The following MDM2 variants were observed in gnomAD, a reference collection of about 807,000 sequenced individuals.
The protein encoded by MDM2 is MDM2 proto-oncogene, also known as E3 ubiquitin-protein ligase Mdm2.
In MDM2, 11 loss-of-function variants were observed where a neutral mutation model predicts 64.3. That is an observed-to-expected ratio of 0.17 (90% CI 0.11 to 0.28). MDM2 has a LOEUF of 0.28. Ranked by LOEUF, MDM2 falls within the 10% of genes least tolerant of loss-of-function variation. MDM2 has a pLI of 1.00. For missense variants in MDM2, 388 were observed against 577.1 expected, an observed-to-expected ratio of 0.67 and a Z score of 3.36; for synonymous variants, 194 against 192.9, an observed-to-expected ratio of 1.01 and a Z score of -0.05.
downstream of MDM2, chr12:68,848,555 A>C (rs1042930973): frequency 6.6e-6 from 1 of 152,200 alleles, no homozygotes; most frequent in Non-Finnish European, 1.5e-5. Context: ...GTAGTCTTAA[A>C]AGTTGATATG....
intron 7 of MDM2, among the ~76,000 whole-genome samples, chr12:68,825,099 C>G (rs952312313): frequency 6.6e-6 from 1 of 152,028 alleles, no homozygotes; most frequent in Non-Finnish European, 1.5e-5. Context: ...AATCCAGCTA[C>G]TCAGGAGGTT....
intron 10 of MDM2, among the ~76,000 whole-genome samples, chr12:68,837,005 G>A (rs1180169810): frequency 2.0e-5 from 3 of 149,590 alleles, no homozygotes; most frequent in Non-Finnish European, 3.0e-5. Context: ...CCAAGCTGGA[G>A]TGCAGTGGTG....
At position 68,835,998 on chromosome 12, in the gene MDM2, TC is replaced by T; in HGVS notation, c.840+18del. On this transcript the variant is annotated intron_variant, in intron 9 of 10. Coordinates refer to ENST00000258149, the MANE Select transcript of MDM2 (RefSeq NM_002392.6). ...GAAGATGATGAGGTAGTATTTTTTTTCCCCTCTAATTATATTGGAAAATTAT... is the reference window on the plus strand; with the variant it reads ...GAAGATGATGAGGTAGTATTTTTTTTCCCTCTAATTATATTGGAAAATTAT... 1.3e-6 allele frequency: 2 copies of T among 1,582,086 alleles called. No individual in the cohort carries two copies. The highest frequency in any genetic ancestry group is 1.7e-6 in the Non-Finnish European group (2 of 1,162,882).
chr12:68,812,490 T>C (rs1592568884), intron 2 of MDM2, among the ~76,000 whole-genome samples: 1 of 152,242 alleles, frequency 6.6e-6, no homozygotes, highest in South Asian at 2.1e-4. Flanking sequence ...AAGTGCATAG[T>C]ATATTACATT....
Position 68,824,217 on chromosome 12 carries a change from A to T in MDM2, c.359-146A>T, listed in dbSNP as rs72550902. ...TACATCTGCAACATTTAGTATGAGGATGCCACCTGGAAAATACATGTTTAA... is the reference window on the plus strand; with the variant it reads ...TACATCTGCAACATTTAGTATGAGGTTGCCACCTGGAAAATACATGTTTAA... On this transcript the variant is annotated intron_variant, in intron 5 of 10. Coordinates refer to ENST00000258149, the MANE Select transcript of MDM2 (RefSeq NM_002392.6). The T allele has an allele frequency of 2.2e-3, 1,319 of 592,946 alleles. 15 individuals carry two copies. In the African/African-American group the frequency reaches 0.023, roughly 10 times the overall value. 36.7% of individuals were successfully genotyped at this position (592,946 alleles called of 1,614,324 possible).
intron 10 of MDM2, among the ~76,000 whole-genome samples, chr12:68,838,404 G>A (rs1170866604): frequency 6.6e-6 from 1 of 152,190 alleles, no homozygotes; most frequent in East Asian, 1.9e-4. Context: ...GAAGCATTGA[G>A]CAGTTACAAA....
intron 8 of MDM2, among the ~76,000 whole-genome samples, chr12:68,835,141 G>T (rs1883203349): frequency 6.6e-6 from 1 of 152,136 alleles, no homozygotes; most frequent in African/African-American, 2.4e-5. Flanking sequence ...ATGAGTGACA[G>T]GTTTTAGCTC....
chr12:68,839,532 C>G lies in MDM2; in HGVS notation c.1177C>G (p.Gln393Glu), dbSNP rs763246240. Residue 393 changes from glutamine (Q) to glutamate (E), a missense_variant, in exon 11 of 11, where the codon CAA becomes GAA. Transcript: ENST00000258149. ...TGATGATAAAATTACACAAGCTTCA[C>G]AATCACAAGAAAGTGAAGACTATTC... ...ENDDKITQAS[Q>E]SQESEDYSQP... The G allele has an allele frequency of 6.2e-6, 10 of 1,613,766 alleles. No homozygotes were observed. The highest frequency in any genetic ancestry group is 1.3e-5 in the African/African-American group (1 of 74,922).
chr12:68,847,907 G>C (rs564620487), downstream of MDM2: 15 of 152,376 alleles, frequency 9.8e-5, no homozygotes, highest in East Asian at 2.9e-3. Context: ...ACTCACGCCT[G>C]TAATCTCAAC....
At chr12:68,813,970 A>G (rs1050395686) in intron 3 of MDM2, among the ~76,000 whole-genome samples, 10 of 152,274 alleles carry the variant, frequency 6.6e-5, no homozygotes, top group African/African-American at 2.4e-4. Flanking sequence ...ACGGTTACCA[A>G]AATAGTAAAC....
intron 3 of MDM2, among the ~76,000 whole-genome samples, chr12:68,813,875 A>G (rs984264847): frequency 2.0e-5 from 3 of 152,210 alleles, no homozygotes; most frequent in Admixed American, 6.5e-5. Flanking sequence ...TATGCTGTCA[A>G]CCCTTTGGTA....
rs149978469 is a variant in MDM2, at chr12:68,834,837, A to G, written c.685-992A>G. On this transcript the variant is annotated intron_variant, in intron 8 of 10. Transcript: ENST00000258149. ...TATCCCGACTTCTAGACTTTTTCCA[A>G]TTGTAGCCTTCTGCTTATATATGCT... Among the ~76,000 whole-genome samples, 341 of 152,300 alleles carry G rather than the reference A, an allele frequency of 2.2e-3. 2 individuals are homozygous for G. The highest frequency in any genetic ancestry group is 7.9e-3 in the African/African-American group (330 of 41,566).
At position 68,821,365 on chromosome 12, in the gene MDM2, G is replaced by A. The variant is rs3730549; in HGVS notation, c.358+991G>A. On this transcript the variant is annotated intron_variant, in intron 5 of 10. Transcript: ENST00000258149. ...CCGGTCTCACAGTTTGCTTTTGAGT[G>A]CTGCTTAGAGCTGTCTCTAATACAC... Among the ~76,000 whole-genome samples the A allele has an allele frequency of 2.6e-5, 4 of 152,148 alleles. No individual in the cohort carries two copies. In the South Asian group the frequency reaches 8.3e-4, roughly 32 times the overall value.
intron 1 of MDM2, chr12:68,808,948 C>T (rs1274732728): frequency 1.4e-6 from 2 of 1,383,240 alleles, no homozygotes; most frequent in African/African-American, 2.9e-5. Flanking sequence ...CGTTCCGAAA[C>T]TGCAGTAAAA....
At chr12:68,830,404 C>T (rs751687474) in intron 8 of MDM2, among the ~76,000 whole-genome samples, 21 of 152,078 alleles carry the variant, frequency 1.4e-4, no homozygotes, top group Admixed American at 2.6e-4. Flanking sequence ...TTATGTAGAC[C>T]GCTAGATGGC....
chr12:68,813,678 T>C, intron 3 of MDM2, 50 bp downstream of exon 3: 1 of 1,360,734 alleles, frequency 7.3e-7, no homozygotes, highest in Non-Finnish European at 1.0e-6. Context: ...CATGTAGCCA[T>C]ACTTAAAGTT....
chr12:68,834,063 T>C (rs1201525234), intron 8 of MDM2, among the ~76,000 whole-genome samples: 1 of 149,810 alleles, frequency 6.7e-6, no homozygotes, highest in Non-Finnish European at 1.5e-5. Flanking sequence ...TAATATACTT[T>C]GTTTCTGTTT....
intron 2 of MDM2, among the ~76,000 whole-genome samples, chr12:68,812,358 A>C (rs986334784): frequency 1.3e-5 from 2 of 152,242 alleles, no homozygotes; most frequent in Admixed American, 1.3e-4. Flanking sequence ...GTCAGATTTT[A>C]AAGTTAGACA....
intron 8 of MDM2, among the ~76,000 whole-genome samples, chr12:68,833,280 AATATAAAT>A (rs1197021245): frequency 9.5e-5 from 6 of 63,176 alleles, no homozygotes; most frequent in Non-Finnish European, 1.4e-4. Context: ...TATTTATATA[AATATAAAT>A]ATATATATTT....
Sources: allele counts gnomAD v4.1 joint callset (sites outside exome capture counted in the v4.1 genomes callset), GRCh38; gene constraint gnomAD v4.1.1; transcripts MANE v1.5; gene names NCBI Gene and HGNC (gene_info 2026-07-23, HGNC 2026-07-21).